PCDH11X: variants seen among roughly 807,000 people sequenced by gnomAD.
PCDH11X encodes protocadherin-11 X-linked.
A neutral mutation model predicts 53.3 loss-of-function variants in PCDH11X; 18 were observed. The ratio of observed to expected loss-of-function variants is 0.34; its 90% CI spans 0.23 to 0.50. PCDH11X has a LOEUF of 0.50. Ranked by LOEUF, PCDH11X falls within the 20% of genes least tolerant of loss-of-function variation. PCDH11X has a pLI of 0.98. For missense variants in PCDH11X, 570 were observed against 1,032.4 expected (o/e 0.55, Z 6.14); for synonymous variants, 279 against 393.3 (o/e 0.71, Z 3.44).
chrX:92,346,076 A>G (rs1333216392), intron 8 of PCDH11X, among the ~76,000 whole-genome samples: 1 of 110,880 alleles, frequency 9.0e-6, no homozygotes, highest in African/African-American at 3.3e-5. Context: ...GTGAAGCAGC[A>G]AATATAGATG....
chrX:91,939,384 A>G (rs148146399), intron 6 of PCDH11X, among the ~76,000 whole-genome samples: 5,015 of 110,838 alleles, frequency 0.045, 259 homozygotes, highest in African/African-American at 0.14. Context: ...ATGTGGAACT[A>G]GAGTCTAAGA....
chrX:92,612,327 G>C (rs1927485113), intron 10 of PCDH11X, among the ~76,000 whole-genome samples: 1 of 108,369 alleles, frequency 9.2e-6, no homozygotes. Context: ...ATTCAATCTT[G>C]GGCGATTGTG....
chrX:92,132,115 T>C (rs866402572), intron 6 of PCDH11X, among the ~76,000 whole-genome samples: 19 of 45,067 alleles, frequency 4.2e-4, no homozygotes, highest in African/African-American at 1.8e-3. Flanking sequence ...CTACTAAAAA[T>C]ACAAAAAAAA....
At chrX:91,780,572 T>A (rs750656136) in intron 1 of PCDH11X, among the ~76,000 whole-genome samples, 7 of 112,373 alleles carry the variant, frequency 6.2e-5, no homozygotes, top group African/African-American at 1.9e-4. Context: ...ACCTATCCCA[T>A]AAATAGGTGG....
At chrX:92,469,683 T>G (rs778319680) in intron 10 of PCDH11X, among the ~76,000 whole-genome samples, 24 of 111,901 alleles carry the variant, frequency 2.1e-4, no homozygotes, top group Admixed American at 7.6e-4. Context: ...ATGTATATTC[T>G]TGGAACATTT....
At chrX:92,613,535 G>T (rs199649551) in intron 10 of PCDH11X, among the ~76,000 whole-genome samples, 9,021 of 93,267 alleles carry the variant, frequency 0.097, 588 homozygotes, top group African/African-American at 0.21. Flanking sequence ...TTTTTTTGTT[G>T]TTGTTGTTGT....
intron 8 of PCDH11X, among the ~76,000 whole-genome samples, chrX:92,370,491 G>A (rs1273384855): frequency 4.2e-5 from 4 of 95,419 alleles, no homozygotes; most frequent in African/African-American, 1.6e-4. Context: ...ACAGAGTCTC[G>A]CCTTGTTGCC....
intron 8 of PCDH11X, among the ~76,000 whole-genome samples, chrX:92,329,281 C>T (rs942695904): frequency 4.6e-4 from 51 of 111,092 alleles, no homozygotes; most frequent in Non-Finnish European, 6.6e-4. Flanking sequence ...AGAAGAGAAG[C>T]GTTGCAACAT....
At chrX:92,530,823 T>C (rs1279512553) in intron 10 of PCDH11X, among the ~76,000 whole-genome samples, 1 of 111,798 alleles carries the variant, frequency 8.9e-6, no homozygotes, top group African/African-American at 3.2e-5. Flanking sequence ...TTGTAAATTA[T>C]CTTTTCCATA....
intron 8 of PCDH11X, among the ~76,000 whole-genome samples, chrX:92,358,912 T>C (rs1378303487): frequency 9.2e-6 from 1 of 108,834 alleles, no homozygotes; most frequent in Non-Finnish European, 1.9e-5. Flanking sequence ...AGGACATTTA[T>C]GGTTTCATCA....
At chrX:92,569,595 A>G (rs775185187) in intron 10 of PCDH11X, among the ~76,000 whole-genome samples, 6 of 111,697 alleles carry the variant, frequency 5.4e-5, no homozygotes, top group African/African-American at 1.6e-4. Context: ...CCTTTTTTTA[A>G]CTTAACATTA....
intron 6 of PCDH11X, among the ~76,000 whole-genome samples, chrX:92,129,062 T>A (rs1321733000): frequency 3.6e-5 from 4 of 111,072 alleles, no homozygotes; most frequent in Admixed American, 9.6e-5. Flanking sequence ...TGTATATTTC[T>A]AATTAATTTC....
chrX:92,042,544 A>G (rs1384186794), intron 6 of PCDH11X, among the ~76,000 whole-genome samples: 2 of 105,551 alleles, frequency 1.9e-5, no homozygotes, highest in South Asian at 8.6e-4. Context: ...CTCTCAATGA[A>G]CTACATTTAG....
chrX:91,843,611 C>T (rs1490549179), intron 5 of PCDH11X, among the ~76,000 whole-genome samples: 4 of 111,122 alleles, frequency 3.6e-5, no homozygotes, highest in Non-Finnish European at 7.5e-5. Context: ...AGCCATCACA[C>T]TTGGCCATAT....
rs770620891 is a variant in PCDH11X at position 92,187,060 on chromosome X, T to A, written c.3034-14315T>A. Among the ~76,000 whole-genome samples, 13 of 112,052 alleles carry A rather than the reference T, an allele frequency of 1.2e-4. No individual in the cohort carries two copies. The East Asian group carries it at 3.4e-3, about 29-fold the overall frequency. On this transcript the variant is annotated intron_variant, in intron 6 of 10. Transcript: ENST00000682573. ...TTTTAGTAGGTGTATTAGCTTCCTG[T>A]TGCTGCTGCTGTAACATATGCAGCA...
At chrX:92,300,992 G>A (rs2068709770) in intron 8 of PCDH11X, among the ~76,000 whole-genome samples, 2 of 111,184 alleles carry the variant, frequency 1.8e-5, no homozygotes, top group Admixed American at 1.9e-4. Context: ...CCTTGTGCCA[G>A]CAAGTGAAGG....
intron 6 of PCDH11X, among the ~76,000 whole-genome samples, chrX:91,913,796 C>T (rs1467084839): frequency 9.1e-6 from 1 of 110,389 alleles, no homozygotes; most frequent in Non-Finnish European, 1.9e-5. Context: ...GGCCAACCAA[C>T]TCAGGCCATT....
intron 8 of PCDH11X, among the ~76,000 whole-genome samples, chrX:92,305,912 A>G (rs1298241694): frequency 9.4e-6 from 1 of 106,022 alleles, no homozygotes. Context: ...CAAATGTACA[A>G]TGGGTGACAA....
chrX:92,162,191 A>G (rs1237839810), intron 6 of PCDH11X, among the ~76,000 whole-genome samples: 1 of 85,593 alleles, frequency 1.2e-5, no homozygotes, highest in Admixed American at 1.3e-4. Flanking sequence ...TGCTGTTTAG[A>G]TTTTTTTTTT....
Sources: allele counts gnomAD v4.1 joint callset (sites outside exome capture counted in the v4.1 genomes callset), GRCh38; gene constraint gnomAD v4.1.1; transcripts MANE v1.5; gene names NCBI Gene and HGNC (gene_info 2026-07-23, HGNC 2026-07-21).